The following ZNF319 variants were observed in gnomAD, a reference collection of about 807,000 sequenced individuals.
The protein encoded by ZNF319 is zinc finger protein 319.
Under a neutral mutation model 46.0 loss-of-function variants are expected in ZNF319, and 15 were observed. The observed-to-expected ratio is 0.33, with a 90% CI of 0.22 to 0.50. The LOEUF (loss-of-function observed/expected upper bound fraction) is 0.50. Ranked by LOEUF, ZNF319 falls within the 20% of genes least tolerant of loss-of-function variation. The probability of loss-of-function intolerance (pLI) is 0.98; values close to 1 mark genes in which losing one functional copy is unlikely to be tolerated. For missense variants in ZNF319, 635 were observed against 807.0 expected, an observed-to-expected ratio of 0.79 and a Z score of 2.58; for synonymous variants, 368 against 364.0, an observed-to-expected ratio of 1.01 and a Z score of -0.13.
chr16:57,998,776 C>T (rs1193773563), intron 1 of ZNF319, among the ~76,000 whole-genome samples: 4 of 152,178 alleles, frequency 2.6e-5, no homozygotes, highest in African/African-American at 7.2e-5. Flanking sequence ...TGGGCCAGGA[C>T]ATCCCAGCCT....
In ZNF319 at chr16:57,998,008, C is replaced by G. The variant is rs149918789; in HGVS notation, c.258G>C (p.Ala86=). 42 of 1,612,676 alleles carry G rather than the reference C, an allele frequency of 2.6e-5. No individual in the cohort carries two copies. In the African/African-American group the frequency reaches 5.3e-4, roughly 20 times the overall value. Residue 86 remains alanine, a synonymous_variant, in exon 2 of 2, where the codon GCG becomes GCC. Transcript: ENST00000299237. ...PKCGVCGHDL[A]HLSSPHEHQC... The stretch of plus-strand genomic sequence containing the variant: ...GGTGCTCATGCGGACTGGACAGGTG[C>G]GCCAGGTCGTGACCACACACGCCAC...
chr16:57,998,214 G>GCTGTGGCTGCTGCGGCTGCGT lies in ZNF319; in HGVS notation c.31_51dup (p.Thr11_Gln17dup), dbSNP rs1963067800. On this transcript the variant is annotated inframe_insertion, in exon 2 of 2. Coordinates refer to ENST00000299237, the MANE Select transcript of ZNF319 (RefSeq NM_020807.3). ...TCTGCATGGTGCTGAGGCTGCGGTG[G>GCTGTGGCTGCTGCGGCTGCGT]CTGTGGCTGCTGCGGCTGCGTCTGT... 3 of 1,532,880 alleles carry GCTGTGGCTGCTGCGGCTGCGT rather than the reference G, an allele frequency of 2.0e-6. No homozygotes were observed. The highest frequency in any genetic ancestry group is 1.3e-5 in the South Asian group (1 of 78,790). 95.0% of individuals were successfully genotyped at this position (1,532,880 alleles called of 1,614,324 possible).
chr16:57,996,262 G>GGTCGCCGTA lies in ZNF319; in HGVS notation c.*254_*255insTACGGCGAC. 1.8e-6 allele frequency: 1 copy of GGTCGCCGTA among 570,784 alleles called. No homozygotes were observed. Among genetic ancestry groups the GGTCGCCGTA allele is most frequent in the Non-Finnish European group, 2.8e-6 (1 of 356,892 alleles). 35.4% of individuals were successfully genotyped at this position (570,784 alleles called of 1,614,324 possible). On this transcript the variant is annotated 3_prime_UTR_variant, in exon 2 of 2. Coordinates refer to ENST00000299237, the MANE Select transcript of ZNF319 (RefSeq NM_020807.3). Reference sequence around the variant, plus strand: ...GATGGCTCTCAAGAAAGTGAATCTTGTCATGGGAAAGAGGTTTGTGGAATC... The same window carrying GGTCGCCGTA: ...GATGGCTCTCAAGAAAGTGAATCTTGGTCGCCGTATCATGGGAAAGAGGTTTGTGGAATC...
chr16:57,997,146 C>T lies in ZNF319; in HGVS notation c.1120G>A (p.Gly374Ser). The T allele has an allele frequency of 6.2e-7, 1 of 1,613,976 alleles. No individual in the cohort carries two copies. The highest frequency in any genetic ancestry group is 8.5e-7 in the Non-Finnish European group (1 of 1,179,960). ...TGCCCAAAGCCCTTCTCACATAGGC[C>T]GCATTTGAAGGGCTCCTCGGTCTTG... The part of the protein sequence containing the change: ...THKTEEPFKC[G>S]LCEKGFGQPS... Residue 374 changes from glycine to serine, a missense_variant, in exon 2 of 2, where the codon GGC becomes AGC. Around this residue, in one of 3 missense-constraint regions of ZNF319, gnomAD observed 138 missense variants for 248.0 expected, o/e 0.56. Transcript: ENST00000299237.
chr16:57,998,448 C>T lies in ZNF319; in HGVS notation c.-183G>A. 3.1e-6 allele frequency: 3 copies of T among 960,432 alleles called. No individual in the cohort carries two copies. The highest frequency in any genetic ancestry group is 4.4e-5 in the South Asian group (2 of 45,788). The allele number at this position is 960,432 out of a possible 1,614,324, so 59.5% of individuals were successfully genotyped here. A position where few individuals can be genotyped will look rare whatever the true frequency, so the allele number is the denominator to read the frequency against. ...AAGCGGACAGACTACAAGGCTCTGCCTACAGGACATGGGGGCTCTTCAAGG... is the reference window on the plus strand; with the variant it reads ...AAGCGGACAGACTACAAGGCTCTGCTTACAGGACATGGGGGCTCTTCAAGG... On this transcript the variant is annotated 5_prime_UTR_variant, in exon 2 of 2. Coordinates refer to ENST00000299237, the MANE Select transcript of ZNF319 (RefSeq NM_020807.3).
At chr16:57,998,941 C>T (rs1277635983) in intron 1 of ZNF319, among the ~76,000 whole-genome samples, 1 of 152,192 alleles carries the variant, frequency 6.6e-6, no homozygotes, top group Non-Finnish European at 1.5e-5. Flanking sequence ...CCACTTAGAG[C>T]TAAGGAGGCC....
Position 57,997,240 on chromosome 16 carries a change from G to T in ZNF319, c.1026C>A (p.Pro342=). ...CCATGGGGCACAGGTCGCACTTGAA[G>T]GGCCGCTCGGCGCTGTGTGTGCGCT... ...QHERTHSAER[P]FKCDLCPMGF... is the part of the protein sequence containing the mutation. The change falls in exon 2 of 2, where the codon CCC becomes CCA. Residue 342 remains proline (P), a synonymous_variant. Transcript: ENST00000299237. 6.2e-7 allele frequency: 1 copy of T among 1,612,550 alleles called. No homozygotes were observed. Among genetic ancestry groups the T allele is most frequent in the Non-Finnish European group, 8.5e-7 (1 of 1,179,898 alleles).
At position 57,995,888 on chromosome 16, in the gene ZNF319, A is replaced by T. The variant is rs533442732; in HGVS notation, c.*629T>A. The T allele has an allele frequency of 6.6e-6, 1 of 152,424 alleles. No homozygotes were observed. The highest frequency in any genetic ancestry group is 1.9e-4 in the East Asian group (1 of 5,184). The allele number at this position is 152,424 out of a possible 1,614,324, so 9.4% of individuals were successfully genotyped here. A position where few individuals can be genotyped will look rare whatever the true frequency, so the allele number is the denominator to read the frequency against. On this transcript the variant is annotated 3_prime_UTR_variant, in exon 2 of 2. Coordinates refer to ENST00000299237, the MANE Select transcript of ZNF319 (RefSeq NM_020807.3). ...CTTCCCCCTGGGCCCACTGGTCTCC[A>T]GGCAGACCCAGCCCCAAGACCCACC...
At position 57,998,454 on chromosome 16, in the gene ZNF319, G is replaced by C; in HGVS notation, c.-189C>G. ...ACAGACTACAAGGCTCTGCCTACAGGACATGGGGGCTCTTCAAGGGAGGGT... is the reference window on the plus strand; with the variant it reads ...ACAGACTACAAGGCTCTGCCTACAGCACATGGGGGCTCTTCAAGGGAGGGT... On this transcript the variant is annotated 5_prime_UTR_variant, in exon 2 of 2. Coordinates refer to ENST00000299237, the MANE Select transcript of ZNF319 (RefSeq NM_020807.3). 1 of 865,844 alleles carries C rather than the reference G, an allele frequency of 1.2e-6. No individual in the cohort carries two copies. Among genetic ancestry groups the C allele is most frequent in the Non-Finnish European group, 1.7e-6 (1 of 590,322 alleles). 53.6% of individuals were successfully genotyped at this position (865,844 alleles called of 1,614,324 possible). A position where few individuals can be genotyped will look rare whatever the true frequency, so the allele number is the denominator to read the frequency against.
In ZNF319 at chr16:57,996,889, G is replaced by A. The variant is rs1322926451; in HGVS notation, c.1377C>T (p.Arg459=). Residue 459 remains arginine, a synonymous_variant, in exon 2 of 2, where the codon CGC becomes CGT. Coordinates refer to ENST00000299237, the MANE Select transcript of ZNF319 (RefSeq NM_020807.3). ...AGAAGCGGCGTTCGCAAAGCGTGCA[G>A]CGCAGGGGCTTCTCTGCCGCCGCAC... ...AHCAAAEKPL[R]CTLCERRFFS... 2 of 1,602,454 alleles carry A rather than the reference G, an allele frequency of 1.2e-6. No individual in the cohort carries two copies. Among genetic ancestry groups the A allele is most frequent in the Non-Finnish European group, 1.7e-6 (2 of 1,179,006 alleles).
In ZNF319 at chr16:57,998,070, C is replaced by A. The variant is rs149096643; in HGVS notation, c.196G>T (p.Ala66Ser). The A allele has an allele frequency of 7.3e-5, 118 of 1,609,266 alleles. No individual in the cohort carries two copies. Among genetic ancestry groups the A allele is most frequent in the Non-Finnish European group, 1.7e-6 (2 of 1,179,554 alleles). The change falls in exon 2 of 2, where the codon GCA becomes TCA. Residue 66 changes from alanine to serine, a missense_variant. Ala to Ser is a moderately conservative substitution (Grantham distance 99). Transcript: ENST00000299237. ...GGCTCTCCTGCTGCCTGCAGGGGTG[C>A]GTGTTGTGGGGGCTGCAGGCCGGGG... ...PDPGLQPPQH[A>S]PLQAAGEPGP...
Position 57,997,930 on chromosome 16 carries a change from G to A in ZNF319, c.336C>T (p.Ile112=). The change falls in exon 2 of 2, where the codon ATC becomes ATT. Residue 112 remains isoleucine, a synonymous_variant. Transcript: ENST00000299237. The part of the protein sequence containing the change: ...RSFQCTQCLK[I]FHQATDLLEH... ...CCAGCAGGTCAGTGGCCTGGTGGAA[G>A]ATCTTGAGACACTGTGTGCACTGGA... 6.2e-7 allele frequency: 1 copy of A among 1,613,600 alleles called. No individual in the cohort carries two copies. The highest frequency in any genetic ancestry group is 8.5e-7 in the Non-Finnish European group (1 of 1,180,048).
In ZNF319 at chr16:57,997,430, G is replaced by A; in HGVS notation, c.836C>T (p.Ala279Val). ...HRSHLVRHMY[A>V]HSGEHHLFRC... ...GAACAGGTGGTGCTCGCCCGAGTGC[G>A]CGTACATGTGGCGCACCAGGTGAGA... is the stretch of plus-strand genomic sequence containing the variant. The change falls in exon 2 of 2, where the codon GCG (alanine) becomes GTG (valine). Residue 279 changes from alanine to valine, a missense_variant. Ala to Val is a moderately conservative substitution (Grantham distance 64). This residue lies in a region of ZNF319 where 138 missense variants were observed against 248.0 expected (regional missense o/e 0.56). Coordinates refer to ENST00000299237, the MANE Select transcript of ZNF319 (RefSeq NM_020807.3). 2 of 1,613,078 alleles carry A rather than the reference G, an allele frequency of 1.2e-6. No individual in the cohort carries two copies. Among genetic ancestry groups the A allele is most frequent in the Non-Finnish European group, 1.7e-6 (2 of 1,179,742 alleles).
rs1963108566 is a variant in ZNF319, at chr16:57,999,573, C to T, written c.-338G>A. The T allele has an allele frequency of 6.6e-6, 1 of 152,260 alleles. No homozygotes were observed. Among genetic ancestry groups the T allele is most frequent in the Admixed American group, 6.5e-5 (1 of 15,288 alleles). 9.4% of individuals were successfully genotyped at this position (152,260 alleles called of 1,614,324 possible). ...ATGCAACCCACTTCCAGGTTCCCAG[C>T]TCATCTGCCTCTTACATTTAAAAGT... is the stretch of plus-strand genomic sequence containing the variant. On this transcript the variant is annotated 5_prime_UTR_variant, in exon 1 of 2. Transcript: ENST00000299237.
chr16:58,000,110 T>C lies in ZNF319; in HGVS notation c.-875A>G, dbSNP rs1191200787. Among the ~76,000 whole-genome samples the C allele has an allele frequency of 3.9e-5, 6 of 151,958 alleles. No homozygotes were observed. Among genetic ancestry groups the C allele is most frequent in the Non-Finnish European group, 7.4e-5 (5 of 67,922 alleles). Reference sequence around the variant, plus strand: ...AAAGCCGATCACCTCCCGCCGGCCCTGCCTGCAGGCCCAGCTGGGCTGCGT... The same window carrying C: ...AAAGCCGATCACCTCCCGCCGGCCCCGCCTGCAGGCCCAGCTGGGCTGCGT... On this transcript the variant is annotated 5_prime_UTR_variant, in exon 1 of 2. Coordinates refer to ENST00000299237, the MANE Select transcript of ZNF319 (RefSeq NM_020807.3). The surrounding 1 kb of genome is among the most constrained non-coding windows in gnomAD (Gnocchi z 4.5).
In ZNF319 at chr16:57,997,706, G is replaced by T. The variant is rs1963052680; in HGVS notation, c.560C>A (p.Pro187His). 5 of 1,613,662 alleles carry T rather than the reference G, an allele frequency of 3.1e-6. No homozygotes were observed. Among genetic ancestry groups the T allele is most frequent in the Non-Finnish European group, 4.2e-6 (5 of 1,180,046 alleles). ...TTAAPSLPAA[P>H]APSTVTPAEQ... Reference sequence around the variant, plus strand: ...AGCAGGGGTGACAGTGGAAGGCGCGGGTGCTGCGGGAAGCGACGGGGCGGC... The same window carrying T: ...AGCAGGGGTGACAGTGGAAGGCGCGTGTGCTGCGGGAAGCGACGGGGCGGC... Residue 187 changes from proline to histidine, a missense_variant, in exon 2 of 2, where the codon CCC becomes CAC. By Grantham distance (77) the Pro-to-His change is moderately conservative. Transcript: ENST00000299237.
intron 1 of ZNF319, 47 bp from the exon 2 acceptor site, chr16:57,998,569 A>G (rs544066162): frequency 1.2e-4 from 40 of 339,010 alleles, no homozygotes; most frequent in Admixed American, 3.5e-4. Context: ...AACAAGCAGC[A>G]GTTTCCTGGG....
Position 58,000,642 on chromosome 16 carries a change from C to A in ZNF319, c.-1407G>T, listed in dbSNP as rs1963155593. ...GGGCGAGGAGCGCCGGGAGGGCGGGCGGACGGACCGATGGCCTTGCGGAGA... is the reference window on the plus strand; with the variant it reads ...GGGCGAGGAGCGCCGGGAGGGCGGGAGGACGGACCGATGGCCTTGCGGAGA... On this transcript the variant is annotated 5_prime_UTR_variant, in exon 1 of 2. Coordinates refer to ENST00000299237, the MANE Select transcript of ZNF319 (RefSeq NM_020807.3). This position sits in a 1 kb window ranked among gnomAD's most constrained non-coding sequence, Gnocchi z 4.5. Among the ~76,000 whole-genome samples, 1 of 145,826 alleles carries A rather than the reference C, an allele frequency of 6.9e-6. No homozygotes were observed. The highest frequency in any genetic ancestry group is 6.8e-5 in the Admixed American group (1 of 14,746).
chr16:57,999,236 A>AAC (rs1325193261), intron 1 of ZNF319, among the ~76,000 whole-genome samples: 2 of 64,908 alleles, frequency 3.1e-5, no homozygotes, highest in African/African-American at 9.2e-5. Context: ...TCTCTCCCAG[A>AAC]ACTCACACAC....
Sources: gnomAD v4.1 joint callset for allele counts (sites outside exome capture counted in the v4.1 genomes callset) on GRCh38, gnomAD v4.1.1 for gene constraint, gnomAD v4.1.1 regional missense constraint, Gnocchi (gnomAD v3.1) non-coding constraint, MANE v1.5 for transcripts, NCBI Gene and HGNC (gene_info 2026-07-23, HGNC 2026-07-21) for gene names.